The following CDKAL1 variants were observed in gnomAD, a reference collection of about 807,000 sequenced individuals.
The protein encoded by CDKAL1 is threonylcarbamoyladenosine tRNA methylthiotransferase.
A neutral mutation model predicts 68.2 loss-of-function variants in CDKAL1; 32 were observed. That is an observed-to-expected ratio of 0.47 (90% CI 0.35 to 0.63). The LOEUF (loss-of-function observed/expected upper bound fraction) is 0.63. CDKAL1 is among the 30% of genes least tolerant of loss of function. The pLI is 0.00. For missense variants in CDKAL1, 606 were observed against 696.7 expected (o/e 0.87, Z 1.47); for synonymous variants, 234 against 244.3 (o/e 0.96, Z 0.39).
At chr6:21,156,581 G>A (rs933934303) in intron 13 of CDKAL1, among the ~76,000 whole-genome samples, 1 of 151,966 alleles carries the variant, frequency 6.6e-6, no homozygotes, top group Non-Finnish European at 1.5e-5. Flanking sequence ...TGTAAAGAAG[G>A]GAAAGAGAAA....
intron 13 of CDKAL1, among the ~76,000 whole-genome samples, chr6:21,186,644 G>A (rs761859577): frequency 1.5e-4 from 23 of 152,136 alleles, no homozygotes; most frequent in Non-Finnish European, 1.6e-4. Context: ...GTCAAAAAGA[G>A]CAATTTTGCT....
chr6:20,814,187 G>A (rs965903971), intron 8 of CDKAL1, among the ~76,000 whole-genome samples: 4 of 151,896 alleles, frequency 2.6e-5, no homozygotes, highest in Non-Finnish European at 5.9e-5. Flanking sequence ...ATGTTATTGT[G>A]AATGATATTT....
intron 9 of CDKAL1, among the ~76,000 whole-genome samples, chr6:20,899,803 A>G (rs934395651): frequency 9.2e-5 from 14 of 152,202 alleles, no homozygotes; most frequent in African/African-American, 3.1e-4. Flanking sequence ...AGATCATGCC[A>G]CTGTACTCCA....
At chr6:20,574,726 A>G (rs1408435315) in intron 4 of CDKAL1, among the ~76,000 whole-genome samples, 2 of 152,066 alleles carry the variant, frequency 1.3e-5, no homozygotes, top group East Asian at 3.9e-4. Flanking sequence ...TTTCAGGTAC[A>G]CCATAAAAAC....
rs913204778 is a variant in CDKAL1, at chr6:20,860,364, C to G, written c.742+14186C>G. On this transcript the variant is annotated intron_variant, in intron 9 of 15. Coordinates refer to ENST00000274695, the MANE Select transcript of CDKAL1 (RefSeq NM_017774.3). ...AAAGTGCTGGGATTACAGGCATGAG[C>G]CACTTGGCTCAGCCAAAGCATTTAT... is the stretch of plus-strand genomic sequence containing the variant. Among the ~76,000 whole-genome samples, 3 of 152,228 alleles carry G rather than the reference C, an allele frequency of 2.0e-5. No individual in the cohort carries two copies. In the East Asian group the frequency reaches 5.8e-4, roughly 29 times the overall value.
At chr6:20,904,062 A>G (rs1436720303) in intron 9 of CDKAL1, among the ~76,000 whole-genome samples, 2 of 152,222 alleles carry the variant, frequency 1.3e-5, no homozygotes, top group African/African-American at 4.8e-5. Flanking sequence ...AGAAGCTTGC[A>G]GGCAGCTTGC....
intron 12 of CDKAL1, among the ~76,000 whole-genome samples, chr6:21,097,086 A>T (rs1460089051): frequency 6.6e-6 from 1 of 152,228 alleles, no homozygotes; most frequent in Non-Finnish European, 1.5e-5. Context: ...TTTATCAAAC[A>T]GTTTAGATTC....
intron 10 of CDKAL1, among the ~76,000 whole-genome samples, chr6:20,956,501 T>G (rs775192419): frequency 6.6e-6 from 1 of 152,194 alleles, no homozygotes; most frequent in Non-Finnish European, 1.5e-5. Flanking sequence ...AAAATCTGAT[T>G]AGTGCAATTG....
At chr6:20,853,750 A>C (rs911661684) in intron 9 of CDKAL1, among the ~76,000 whole-genome samples, 1 of 152,292 alleles carries the variant, frequency 6.6e-6, no homozygotes, top group East Asian at 1.9e-4. Flanking sequence ...AATGATAGTC[A>C]GAGGCGAGAA....
Position 20,548,659 on chromosome 6 carries a change from A to G in CDKAL1, c.240A>G (p.Gly80=), listed in dbSNP as rs771420516. The G allele has an allele frequency of 6.2e-7, 1 of 1,600,488 alleles. No homozygotes were observed. Among genetic ancestry groups the G allele is most frequent in the Non-Finnish European group, 8.6e-7 (1 of 1,168,638 alleles). Residue 80 remains glycine, a synonymous_variant, in exon 4 of 16, where the codon GGA becomes GGG. Transcript: ENST00000274695. ...GTTGTTCTCATAATAATTCAGATGG[A>G]GAATATATGGCTGGACAGCTAGCTG... The part of the protein sequence containing the change: ...TWGCSHNNSD[G]EYMAGQLAAY...
At chr6:20,993,721 T>A (rs1024152068) in intron 10 of CDKAL1, among the ~76,000 whole-genome samples, 2 of 152,260 alleles carry the variant, frequency 1.3e-5, no homozygotes, top group African/African-American at 4.8e-5. Context: ...AAATTAAGTC[T>A]GTTTTCATTC....
At chr6:20,900,189 C>G (rs559422207) in intron 9 of CDKAL1, among the ~76,000 whole-genome samples, 44 of 152,170 alleles carry the variant, frequency 2.9e-4, no homozygotes, top group Admixed American at 1.1e-3. Context: ...TAGAATTTGG[C>G]ACATAGATGC....
chr6:21,112,422 T>C (rs1320731289), intron 13 of CDKAL1, among the ~76,000 whole-genome samples: 1 of 152,198 alleles, frequency 6.6e-6, no homozygotes, highest in African/African-American at 2.4e-5. Flanking sequence ...TAGTGCACAC[T>C]CCACCACTAA....
intron 6 of CDKAL1, among the ~76,000 whole-genome samples, chr6:20,749,273 G>T (rs1773808870): frequency 6.6e-6 from 1 of 152,134 alleles, no homozygotes; most frequent in Non-Finnish European, 1.5e-5. Flanking sequence ...CTGCTGAACT[G>T]CAAGATCTCA....
intron 7 of CDKAL1, among the ~76,000 whole-genome samples, chr6:20,769,622 A>G (rs1774852851): frequency 6.6e-6 from 1 of 152,180 alleles, no homozygotes; most frequent in Non-Finnish European, 1.5e-5. Flanking sequence ...TTTAAAAGAA[A>G]TGGAATCTGA....
Position 21,232,014 on chromosome 6 carries a change from T to TTTG in CDKAL1, c.*977_*978insGTT, listed in dbSNP as rs1779997604. On this transcript the variant is annotated 3_prime_UTR_variant, in exon 16 of 16. Coordinates refer to ENST00000274695, the MANE Select transcript of CDKAL1 (RefSeq NM_017774.3). The stretch of plus-strand genomic sequence containing the variant: ...GGGGTTTTTTTTTTGTTTTTGTTTT[T>TTTG]TTTTTTTTTTGAGTCAAGGTCTCAC... The TTTG allele has an allele frequency of 6.2e-5, 9 of 145,796 alleles. No individual in the cohort carries two copies. The highest frequency in any genetic ancestry group is 4.8e-4 in the Admixed American group (7 of 14,674). 9.0% of individuals were successfully genotyped at this position (145,796 alleles called of 1,614,324 possible).
intron 9 of CDKAL1, among the ~76,000 whole-genome samples, chr6:20,924,509 A>C (rs140779572): frequency 6.6e-6 from 1 of 152,334 alleles, no homozygotes; most frequent in East Asian, 1.9e-4. Flanking sequence ...GAACACACAA[A>C]TGATAAGAAA....
At chr6:20,753,896 A>G (rs1029531489) in intron 6 of CDKAL1, among the ~76,000 whole-genome samples, 6 of 152,018 alleles carry the variant, frequency 3.9e-5, no homozygotes, top group African/African-American at 1.5e-4. Context: ...CTGCATTCCC[A>G]TCAGCAATGT....
chr6:20,929,142 T>G (rs977649823), intron 9 of CDKAL1, among the ~76,000 whole-genome samples: 1 of 152,154 alleles, frequency 6.6e-6, no homozygotes, highest in Non-Finnish European at 1.5e-5. Context: ...TTCCAGACAG[T>G]ATGGAAGGAT....
Sources: allele counts gnomAD v4.1 joint callset (sites outside exome capture counted in the v4.1 genomes callset), GRCh38; gene constraint gnomAD v4.1.1; transcripts MANE v1.5; gene names NCBI Gene and HGNC (gene_info 2026-07-23, HGNC 2026-07-21).